The following ANKRD36 variants were observed in gnomAD, a reference collection of about 807,000 sequenced individuals.
ANKRD36 encodes the protein ankyrin repeat domain 36.
ANKRD36 carries 179 observed loss-of-function variants against 278.1 expected under a neutral mutation model. The ratio of observed to expected loss-of-function variants is 0.64; its 90% CI spans 0.57 to 0.73. The LOEUF (loss-of-function observed/expected upper bound fraction) is 0.73. Ranked by LOEUF, ANKRD36 falls within the 30% of genes least tolerant of loss-of-function variation. ANKRD36 has a pLI of 0.00. For synonymous variants in ANKRD36, 320 were observed against 641.1 expected, an observed-to-expected ratio of 0.50 and a Z score of 7.57; for missense variants, 1,159 against 1,956.7, an observed-to-expected ratio of 0.59 and a Z score of 7.69.
At chr2:97,203,570 A>C (rs2061983778) in intron 48 of ANKRD36, among the ~76,000 whole-genome samples, 1 of 151,842 alleles carries the variant, frequency 6.6e-6, no homozygotes, top group South Asian at 2.1e-4. Flanking sequence ...TCCACTGAAG[A>C]GATGTGAAGT....
chr2:97,220,886 C>G lies in ANKRD36; in HGVS notation c.3877+1640C>G, dbSNP rs915494370. ...TGGTGCGCTGCACCCACTAACGTGT[C>G]ATCTAGCATTAGGTATATCTCCCAA... On this transcript the variant is annotated intron_variant, in intron 66 of 75. Coordinates refer to ENST00000420699, the MANE Select transcript of ANKRD36 (RefSeq NM_001354587.1). 2.1e-5 allele frequency among the ~76,000 whole-genome samples: 3 copies of G among 145,842 alleles called. No homozygotes were observed. The Admixed American group carries it at 2.1e-4, about 10-fold the overall frequency.
In ANKRD36 at chr2:97,202,323, T is replaced by C. The variant is rs753926756; in HGVS notation, c.2889T>C (p.Gly963=). Residue 963 remains glycine, a splice_region_variant and synonymous_variant, in exon 48 of 76, where the codon GGT becomes GGC. Transcript: ENST00000420699. ...ATTTCGTTTTAAATTCCATTCAGGGTACAAGTGACGAGGAAGATTCTGTTT... is the reference window on the plus strand; with the variant it reads ...ATTTCGTTTTAAATTCCATTCAGGGCACAAGTGACGAGGAAGATTCTGTTT... ...VSSQKPPALK[G]TSDEEDSVLG... 8.2e-6 allele frequency: 13 copies of C among 1,576,284 alleles called. No individual in the cohort carries two copies. The highest frequency in any genetic ancestry group is 1.1e-5 in the Non-Finnish European group (13 of 1,165,414).
intron 69 of ANKRD36, among the ~76,000 whole-genome samples, chr2:97,242,616 A>G (rs532501037): frequency 2.1e-5 from 3 of 145,256 alleles, no homozygotes; most frequent in African/African-American, 7.9e-5. Flanking sequence ...TAATCTGCTG[A>G]TATATGTTTC....
chr2:97,123,613 T>TTATA (rs59057238), intron 4 of ANKRD36, among the ~76,000 whole-genome samples: 2,287 of 64,638 alleles, frequency 0.035, 195 homozygotes, highest in African/African-American at 0.064. Context: ...GTAAGTAACA[T>TTATA]TATATATATA....
chr2:97,120,602 T>C (rs1334079469), intron 3 of ANKRD36, among the ~76,000 whole-genome samples: 1 of 151,928 alleles, frequency 6.6e-6, no homozygotes, highest in Non-Finnish European at 1.5e-5. Flanking sequence ...AAATTATAAA[T>C]GAATGAATGT....
rs186938319 is a variant in ANKRD36 at position 97,134,016 on chromosome 2, C to A, written c.799+6882C>A. On this transcript the variant is annotated intron_variant, in intron 6 of 75. Coordinates refer to ENST00000420699, the MANE Select transcript of ANKRD36 (RefSeq NM_001354587.1). Reference sequence around the variant, plus strand: ...TGGACAAATGTATAATAAATGTACCCGCCATTAGAATACTTTTGCTGCCCT... The same window carrying A: ...TGGACAAATGTATAATAAATGTACCAGCCATTAGAATACTTTTGCTGCCCT... Among the ~76,000 whole-genome samples, 6 of 152,214 alleles carry A rather than the reference C, an allele frequency of 3.9e-5. No homozygotes were observed. In the East Asian group the frequency reaches 1.2e-3, roughly 29 times the overall value.
intron 40 of ANKRD36, among the ~76,000 whole-genome samples, chr2:97,196,293 G>T (rs1190814297): frequency 6.6e-6 from 1 of 151,702 alleles, no homozygotes; most frequent in African/African-American, 2.4e-5. Flanking sequence ...TCTGATTTTA[G>T]ATCACATTTG....
At position 97,217,004 on chromosome 2, in the gene ANKRD36, A is replaced by C. The variant is rs1458011867; in HGVS notation, c.3674-173A>C. On this transcript the variant is annotated intron_variant, in intron 62 of 75. Coordinates refer to ENST00000420699, the MANE Select transcript of ANKRD36 (RefSeq NM_001354587.1). Reference sequence around the variant, plus strand: ...GTATATTTTTCATGAAGGCTGTATTACTTTATTCAGTGTATTTCTGTCATG... The same window carrying C: ...GTATATTTTTCATGAAGGCTGTATTCCTTTATTCAGTGTATTTCTGTCATG... 3 of 1,343,088 alleles carry C rather than the reference A, an allele frequency of 2.2e-6. No individual in the cohort carries two copies. The African/African-American group carries it at 4.5e-5, about 20-fold the overall frequency. 83.2% of individuals were successfully genotyped at this position (1,343,088 alleles called of 1,614,324 possible).
chr2:97,144,478 AT>A, intron 8 of ANKRD36, 39 bp from the exon 9 acceptor site: 2 of 1,601,842 alleles, frequency 1.2e-6, no homozygotes, highest in Non-Finnish European at 1.7e-6. Context: ...ACTTTATCAT[AT>A]TTACATATGA....
intron 52 of ANKRD36, 42 bp downstream of exon 52, chr2:97,206,177 A>G (rs2062802779): frequency 1.3e-6 from 2 of 1,489,156 alleles, no homozygotes; most frequent in Middle Eastern, 4.8e-4. Context: ...CAGTCGAGAT[A>G]GATAAGAAGT....
chr2:97,130,457 G>A (rs573026672), intron 6 of ANKRD36, among the ~76,000 whole-genome samples: 1 of 109,686 alleles, frequency 9.1e-6, no homozygotes, highest in South Asian at 3.8e-4. Context: ...GGGGTGGGGG[G>A]AGGGGGGAGG....
rs1206067049 is a variant in ANKRD36 at position 97,118,920 on chromosome 2, C to T, written c.486+403C>T. The T allele has an allele frequency of 2.5e-5, 2 of 78,864 alleles. 1 individual carries two copies. Among genetic ancestry groups the T allele is most frequent in the Admixed American group, 2.2e-4 (2 of 8,992 alleles). 4.9% of individuals were successfully genotyped at this position (78,864 alleles called of 1,614,324 possible). On this transcript the variant is annotated intron_variant, in intron 3 of 75. Coordinates refer to ENST00000420699, the MANE Select transcript of ANKRD36 (RefSeq NM_001354587.1). ...TGTCAAAGAAAATTAAAGAATTTCA[C>T]AATAAATGTACATGTTGTTGCTGTT...
intron 5 of ANKRD36, among the ~76,000 whole-genome samples, chr2:97,125,199 C>A (rs2038229136): frequency 6.6e-6 from 1 of 151,620 alleles, no homozygotes. Context: ...ACCTTTGCTA[C>A]CAGCATGCCC....
chr2:97,260,946 C>T (rs1231224491), intron 75 of ANKRD36, among the ~76,000 whole-genome samples: 2 of 127,780 alleles, frequency 1.6e-5, no homozygotes, highest in Non-Finnish European at 3.1e-5. Flanking sequence ...AGCCTCCTCA[C>T]CTGTGTCAGA....
chr2:97,205,652 C>T (rs2062638945), intron 50 of ANKRD36, among the ~76,000 whole-genome samples: 1 of 151,494 alleles, frequency 6.6e-6, no homozygotes, highest in African/African-American at 2.4e-5. Context: ...CACATTTGTT[C>T]TCATCACTCG....
chr2:97,151,399 GTGC>G (rs1323689719), intron 12 of ANKRD36, among the ~76,000 whole-genome samples: 1 of 152,126 alleles, frequency 6.6e-6, no homozygotes, highest in African/African-American at 2.4e-5. Context: ...GAAGCAACTT[GTGC>G]TGTTTCTGAT....
At chr2:97,150,199 C>G (rs1291571967) in intron 12 of ANKRD36, among the ~76,000 whole-genome samples, 2 of 151,722 alleles carry the variant, frequency 1.3e-5, no homozygotes, top group African/African-American at 4.8e-5. Flanking sequence ...TTTAAATAAC[C>G]TGTTTGATAA....
In ANKRD36 at chr2:97,127,080, A is replaced by G. The variant is rs1327765295; in HGVS notation, c.745A>G (p.Ile249Val). The change falls in exon 6 of 76, where the codon ATT becomes GTT. Residue 249 changes from isoleucine (I) to valine (V), a missense_variant. Coordinates refer to ENST00000420699, the MANE Select transcript of ANKRD36 (RefSeq NM_001354587.1). The stretch of plus-strand genomic sequence containing the variant: ...TTTTATGCATAGCATTTTTGATCTA[A>G]TTTATGAATACGAAAGAAAGAGATA... Reference protein sequence around the residue: ...EAKNRVIFDLIYEYERKRYED... With the variant: ...EAKNRVIFDLVYEYERKRYED... 28 of 1,282,266 alleles carry G rather than the reference A, an allele frequency of 2.2e-5. No homozygotes were observed. Among genetic ancestry groups the G allele is most frequent in the Non-Finnish European group, 3.0e-5 (28 of 942,838 alleles). 79.4% of individuals were successfully genotyped at this position (1,282,266 alleles called of 1,614,324 possible).
chr2:97,203,480 C>T (rs569609267), intron 48 of ANKRD36, among the ~76,000 whole-genome samples: 1 of 151,928 alleles, frequency 6.6e-6, no homozygotes, highest in South Asian at 2.1e-4. Flanking sequence ...GATTATTACA[C>T]CATATGGGGG....
Sources: allele counts gnomAD v4.1 joint callset (sites outside exome capture counted in the v4.1 genomes callset), GRCh38; gene constraint gnomAD v4.1.1; transcripts MANE v1.5; gene names NCBI Gene and HGNC (gene_info 2026-07-23, HGNC 2026-07-21).